Variants in FGD6 observed in about 807,000 individuals in gnomAD.
The protein encoded by FGD6 is FYVE, RhoGEF and PH domain containing 6, also known as FYVE, RhoGEF and PH domain-containing protein 6.
A neutral mutation model predicts 149.4 loss-of-function variants in FGD6; 90 were observed. The ratio of observed to expected loss-of-function variants is 0.60; its 90% CI spans 0.51 to 0.72. The LOEUF (loss-of-function observed/expected upper bound fraction) is 0.72. FGD6 is among the 30% of genes least tolerant of loss of function. The pLI, the probability that FGD6 is intolerant of heterozygous loss-of-function variation, is 0.00. For synonymous variants in FGD6, 527 were observed against 584.0 expected, an observed-to-expected ratio of 0.90 and a Z score of 1.41; for missense variants, 1,437 against 1,684.8, an observed-to-expected ratio of 0.85 and a Z score of 2.57.
chr12:95,150,365 A>C (rs1880274128), intron 5 of FGD6, among the ~76,000 whole-genome samples: 1 of 151,540 alleles, frequency 6.6e-6, no homozygotes, highest in South Asian at 2.1e-4. Flanking sequence ...GTACGTTTAC[A>C]TAATATTTTT....
At chr12:95,108,794 T>C (rs993348453) in intron 9 of FGD6, among the ~76,000 whole-genome samples, 1 of 151,984 alleles carries the variant, frequency 6.6e-6, no homozygotes, top group Non-Finnish European at 1.5e-5. Context: ...AGGGAAACAA[T>C]GAGCCAAAAG....
chr12:95,198,500 C>T (rs1024485352), intron 2 of FGD6, among the ~76,000 whole-genome samples: 1 of 152,084 alleles, frequency 6.6e-6, no homozygotes, highest in Non-Finnish European at 1.5e-5. Flanking sequence ...ATTGCAGTGG[C>T]GCTATCTCTG....
chr12:95,078,663 T>C lies in FGD6; in HGVS notation c.*2857A>G, dbSNP rs184595424. 9.9e-5 allele frequency: 15 copies of C among 152,278 alleles called. No individual in the cohort carries two copies. The highest frequency in any genetic ancestry group is 9.2e-4 in the Admixed American group (14 of 15,298). The allele number at this position is 152,278 out of a possible 1,614,324, so 9.4% of individuals were successfully genotyped here. A position where few individuals can be genotyped will look rare whatever the true frequency, so the allele number is the denominator to read the frequency against. On this transcript the variant is annotated 3_prime_UTR_variant, in exon 21 of 21. Coordinates refer to ENST00000343958, the MANE Select transcript of FGD6 (RefSeq NM_018351.4). ...ACATTACAGAAAAAGGGAAAAGAGA[T>C]TGGAAAGAGTCGGAAATGTGGATGA...
chr12:95,217,111 CA>C, intron 1 of FGD6, 113 bp downstream of exon 1: 3 of 1,515,794 alleles, frequency 2.0e-6, no homozygotes, highest in Non-Finnish European at 2.7e-6. Context: ...AGGTGCTCGG[CA>C]AAGGTACGGG....
chr12:95,216,083 C>T (rs2056767717), intron 1 of FGD6, among the ~76,000 whole-genome samples: 1 of 152,226 alleles, frequency 6.6e-6, no homozygotes, highest in Admixed American at 6.5e-5. Flanking sequence ...ACCCACACAA[C>T]ACCCACTTCT....
chr12:95,163,598 C>A (rs1422305804), intron 3 of FGD6, among the ~76,000 whole-genome samples: 2 of 152,222 alleles, frequency 1.3e-5, no homozygotes, highest in African/African-American at 4.8e-5. Context: ...ATGGCTGCCA[C>A]CTTCTCAGAA....
rs1231800261 is a variant in FGD6, at chr12:95,210,276, T to G, written c.1008A>C (p.Glu336Asp). The part of the protein sequence containing the change: ...LRQKCVDTPS[E>D]STEEPGNSDS... ...CTGAATTCCCCGGTTCTTCAGTGCT[T>G]TCACTAGGAGTATCTACACACTTTT... The change falls in exon 2 of 21, where the codon GAA (glutamate) becomes GAC (aspartate). Residue 336 changes from glutamate to aspartate, a missense_variant. This residue lies in a region of FGD6 where 1,055 missense variants were observed against 1,146.0 expected (regional missense o/e 0.92). Coordinates refer to ENST00000343958, the MANE Select transcript of FGD6 (RefSeq NM_018351.4). The G allele has an allele frequency of 4.3e-6, 7 of 1,613,870 alleles. No individual in the cohort carries two copies. The highest frequency in any genetic ancestry group is 2.7e-5 in the African/African-American group (2 of 74,844).
At chr12:95,131,506 A>G (rs1049620396) in intron 8 of FGD6, among the ~76,000 whole-genome samples, 1 of 152,122 alleles carries the variant, frequency 6.6e-6, no homozygotes, top group Non-Finnish European at 1.5e-5. Flanking sequence ...CCACTAAATT[A>G]TAGATATAAG....
rs773995708 is a variant in FGD6 at position 95,217,279 on chromosome 12, A to T, written c.-39T>A. On this transcript the variant is annotated 5_prime_UTR_variant, in exon 1 of 21. The change abolishes the stop of an existing upstream ORF in the 5' untranslated region. Coordinates refer to ENST00000343958, the MANE Select transcript of FGD6 (RefSeq NM_018351.4). ...AGCTCGCTTCCCCGCTCGGCCCCTC[A>T]ATCCATCTTCCCCTTTCAGTCCATT... The T allele has an allele frequency of 6.3e-7, 1 of 1,596,218 alleles. No homozygotes were observed.
intron 8 of FGD6, among the ~76,000 whole-genome samples, chr12:95,125,318 AC>A (rs1879300776): frequency 6.6e-6 from 1 of 152,128 alleles, no homozygotes; most frequent in African/African-American, 2.4e-5. Flanking sequence ...TATACCCTAA[AC>A]ACTTTCCATA....
Position 95,122,553 on chromosome 12 carries a change from C to T in FGD6, c.3083-8852G>A, listed in dbSNP as rs12099644. ...TCCAGCTACTCGGGAGGCTCAGGTG[C>T]GAGAACTGCTTGAATCCAGGAGGCA... On this transcript the variant is annotated intron_variant, in intron 8 of 20. Coordinates refer to ENST00000343958, the MANE Select transcript of FGD6 (RefSeq NM_018351.4). Among the ~76,000 whole-genome samples, 366 of 138,762 alleles carry T rather than the reference C, an allele frequency of 2.6e-3. 2 individuals carry two copies. The highest frequency in any genetic ancestry group is 8.4e-3 in the African/African-American group (313 of 37,198). 91.0% of individuals were successfully genotyped at this position (138,762 alleles called of 152,430 possible). A position where few individuals can be genotyped will look rare whatever the true frequency, so the allele number is the denominator to read the frequency against.
At chr12:95,096,592 C>G (rs1412421970) in intron 14 of FGD6, among the ~76,000 whole-genome samples, 1 of 152,186 alleles carries the variant, frequency 6.6e-6, no homozygotes, top group Non-Finnish European at 1.5e-5. Flanking sequence ...AAATGCTTAG[C>G]AAATGTCACC....
In FGD6 at chr12:95,173,603, T is replaced by G. The variant is rs56324489; in HGVS notation, c.2442-859A>C. Among the ~76,000 whole-genome samples, 1,505 of 152,232 alleles carry G rather than the reference T, an allele frequency of 9.9e-3. 25 individuals are homozygous for G. The highest frequency in any genetic ancestry group is 0.034 in the African/African-American group (1,426 of 41,514). ...CTGTGGGGGGAATTCCATAGGAAAGTTCCCTAAGAAGAGATGAAAATAATT... is the reference window on the plus strand; with the variant it reads ...CTGTGGGGGGAATTCCATAGGAAAGGTCCCTAAGAAGAGATGAAAATAATT... On this transcript the variant is annotated intron_variant, in intron 2 of 20. Coordinates refer to ENST00000343958, the MANE Select transcript of FGD6 (RefSeq NM_018351.4).
At chr12:95,166,768 T>C (rs1880831182) in intron 3 of FGD6, among the ~76,000 whole-genome samples, 1 of 152,090 alleles carries the variant, frequency 6.6e-6, no homozygotes, top group Non-Finnish European at 1.5e-5. Context: ...TCATTCCTAT[T>C]TTATGGCTGA....
chr12:95,094,452 CATT>C, intron 15 of FGD6, 137 bp downstream of exon 15: 1 of 588,966 alleles, frequency 1.7e-6, no homozygotes, highest in Non-Finnish European at 3.0e-6. Flanking sequence ...TGAAATGAGA[CATT>C]AATCTGTAGA....
intron 7 of FGD6, 144 bp downstream of exon 7, chr12:95,137,378 T>C (rs1879698070): frequency 3.1e-6 from 2 of 638,124 alleles, no homozygotes; most frequent in East Asian, 6.1e-5. Flanking sequence ...ATTTAAATTG[T>C]TCAATTCCAT....
intron 13 of FGD6, 30 bp from the exon 14 acceptor site, chr12:95,105,116 C>G (rs560742321): frequency 6.3e-7 from 1 of 1,575,392 alleles, no homozygotes; most frequent in Non-Finnish European, 8.6e-7. Context: ...TTTGAGCCGA[C>G]TCATCCTACT....
intron 9 of FGD6, among the ~76,000 whole-genome samples, chr12:95,109,875 G>A (rs993504400): frequency 1.8e-4 from 27 of 151,932 alleles, no homozygotes; most frequent in Admixed American, 1.1e-3. Flanking sequence ...AAAACAAAAC[G>A]AAACAAAAAC....
chr12:95,169,164 T>C (rs977852964), intron 3 of FGD6, among the ~76,000 whole-genome samples: 6 of 152,128 alleles, frequency 3.9e-5, no homozygotes, highest in African/African-American at 1.4e-4. Flanking sequence ...GAATATTTAA[T>C]GGGTACAAAA....
Sources: allele counts gnomAD v4.1 joint callset (sites outside exome capture counted in the v4.1 genomes callset), GRCh38; gene constraint gnomAD v4.1.1; regional missense constraint gnomAD v4.1.1; transcripts MANE v1.5; gene names NCBI Gene and HGNC (gene_info 2026-07-23, HGNC 2026-07-21).